Variants in SENP7 observed in about 807,000 individuals in gnomAD.
SENP7 encodes the protein SUMO specific peptidase 7, also known as sentrin-specific protease 7.
A neutral mutation model predicts 141.2 loss-of-function variants in SENP7; 64 were observed. The ratio of observed to expected loss-of-function variants is 0.45; its 90% CI spans 0.37 to 0.56. The LOEUF is 0.56. SENP7 is among the 20% of genes least tolerant of loss of function. SENP7 has a pLI of 0.00. For synonymous variants in SENP7, 382 were observed against 426.4 expected (o/e 0.90, Z 1.28); for missense variants, 1,025 against 1,212.2 (o/e 0.85, Z 2.29).
In SENP7 at chr3:101,501,122, AC is replaced by A. The variant is rs746637068; in HGVS notation, c.41-4del. ...CCTTTTTCCTTCTGTGATGATTTCTACAAAAACCAAAGACGTGGTAAAAATT... is the reference window on the plus strand; with the variant it reads ...CCTTTTTCCTTCTGTGATGATTTCTAAAAAACCAAAGACGTGGTAAAAATT... On this transcript the variant is annotated splice_region_variant and splice_polypyrimidine_tract_variant and intron_variant, in intron 1 of 23. Coordinates refer to ENST00000394095, the MANE Select transcript of SENP7 (RefSeq NM_020654.5). The A allele has an allele frequency of 1.9e-6, 3 of 1,601,674 alleles. No homozygotes were observed. The East Asian group carries it at 6.7e-5, about 36-fold the overall frequency.
intron 3 of SENP7, among the ~76,000 whole-genome samples, chr3:101,476,371 T>G (rs1325818946): frequency 6.6e-6 from 1 of 152,110 alleles, no homozygotes; most frequent in Non-Finnish European, 1.5e-5. Flanking sequence ...GTTCCTGTGT[T>G]AGTTTGCTGA....
At position 101,340,181 on chromosome 3, in the gene SENP7, C is replaced by T. The variant is rs760079462; in HGVS notation, c.2271G>A (p.Lys757=). Residue 757 remains lysine (K), a synonymous_variant, in exon 16 of 24, where the codon AAG becomes AAA. Transcript: ENST00000394095. The part of the protein sequence containing the change: ...KLIVYPPPPT[K]GGLGVTNEDL... The stretch of plus-strand genomic sequence containing the variant: ...CTTCATTAGTTACTCCTAATCCCCC[C>T]TTAGTAGGTGGTGGAGGATATACAA... The T allele has an allele frequency of 3.1e-6, 5 of 1,600,294 alleles. No individual in the cohort carries two copies. The highest frequency in any genetic ancestry group is 2.3e-5 in the South Asian group (2 of 87,988).
At chr3:101,367,086 T>C (rs1421765561) in intron 8 of SENP7, among the ~76,000 whole-genome samples, 1 of 152,170 alleles carries the variant, frequency 6.6e-6, no homozygotes. Flanking sequence ...CATATTTTTA[T>C]TTTGCAAAAG....
chr3:101,355,091 G>A (rs2059704531), intron 11 of SENP7, among the ~76,000 whole-genome samples: 1 of 151,940 alleles, frequency 6.6e-6, no homozygotes, highest in South Asian at 2.1e-4. Flanking sequence ...GTAAATTTAA[G>A]TTCCTTATAG....
chr3:101,408,871 CA>C, intron 5 of SENP7, among the ~76,000 whole-genome samples: 1 of 152,264 alleles, frequency 6.6e-6, no homozygotes, highest in Non-Finnish European at 1.5e-5. Context: ...AGAACTGGAA[CA>C]AGACAAGGAT....
At chr3:101,452,973 G>A (rs376482327) in intron 4 of SENP7, among the ~76,000 whole-genome samples, 13 of 152,108 alleles carry the variant, frequency 8.5e-5, no homozygotes, top group African/African-American at 2.7e-4. Context: ...TCATCTGACA[G>A]AGGGCTAATA....
chr3:101,443,155 G>A (rs2062747568), intron 4 of SENP7, among the ~76,000 whole-genome samples: 1 of 152,132 alleles, frequency 6.6e-6, no homozygotes, highest in Admixed American at 6.5e-5. Context: ...TCCAGTTTCA[G>A]CTTTCTACAT....
intron 3 of SENP7, among the ~76,000 whole-genome samples, chr3:101,467,299 G>A (rs1469498100): frequency 5.9e-5 from 9 of 152,214 alleles, no homozygotes; most frequent in Non-Finnish European, 1.3e-4. Context: ...AGATGTAAAC[G>A]TCCCTGTCTG....
At chr3:101,373,269 G>A (rs919425521) in intron 6 of SENP7, among the ~76,000 whole-genome samples, 18 of 152,052 alleles carry the variant, frequency 1.2e-4, no homozygotes, top group African/African-American at 4.3e-4. Context: ...CTTGCAAAGA[G>A]GTTCTGACTG....
chr3:101,465,077 A>C (rs1309183551), intron 3 of SENP7, among the ~76,000 whole-genome samples: 1 of 152,134 alleles, frequency 6.6e-6, no homozygotes, highest in Non-Finnish European at 1.5e-5. Context: ...ACCAATGTAC[A>C]TCATCAGGGT....
intron 4 of SENP7, among the ~76,000 whole-genome samples, chr3:101,436,665 C>T (rs1411541716): frequency 2.0e-5 from 3 of 151,986 alleles, no homozygotes; most frequent in African/African-American, 7.2e-5. Context: ...GGCAAACAGG[C>T]ATATGAAAAG....
intron 1 of SENP7, among the ~76,000 whole-genome samples, chr3:101,511,962 G>T (rs1357348340): frequency 6.6e-6 from 1 of 152,176 alleles, no homozygotes; most frequent in Non-Finnish European, 1.5e-5. Flanking sequence ...TGGGACTACA[G>T]GCGCCCGCCA....
chr3:101,476,330 A>T (rs961604540), intron 3 of SENP7, among the ~76,000 whole-genome samples: 6 of 149,156 alleles, frequency 4.0e-5, no homozygotes, highest in Admixed American at 1.4e-4. Context: ...ACTCCCACTT[A>T]TGAGTGAGAA....
intron 3 of SENP7, among the ~76,000 whole-genome samples, chr3:101,468,878 G>T (rs1020423937): frequency 6.6e-6 from 1 of 152,092 alleles, no homozygotes; most frequent in Non-Finnish European, 1.5e-5. Flanking sequence ...AAATGTAAAT[G>T]GGCTAAATAC....
chr3:101,423,977 T>C (rs74768235), intron 4 of SENP7, among the ~76,000 whole-genome samples: 29,832 of 152,160 alleles, frequency 0.2, 3,225 homozygotes, highest in Non-Finnish European at 0.24. Flanking sequence ...CGGGAGAGTC[T>C]GCAGCAGAGC....
intron 3 of SENP7, among the ~76,000 whole-genome samples, chr3:101,485,281 C>T (rs1367843231): frequency 2.0e-5 from 3 of 152,064 alleles, no homozygotes; most frequent in African/African-American, 7.2e-5. Flanking sequence ...GAAAGGGTCA[C>T]CTCCTGGCAG....
chr3:101,367,620 T>C (rs551732833), intron 8 of SENP7, among the ~76,000 whole-genome samples: 2 of 152,172 alleles, frequency 1.3e-5, no homozygotes, highest in South Asian at 4.1e-4. Context: ...TAATCATTCA[T>C]AGTATTTGAA....
intron 3 of SENP7, among the ~76,000 whole-genome samples, chr3:101,469,281 T>C (rs1054363502): frequency 6.6e-6 from 1 of 151,976 alleles, no homozygotes; most frequent in African/African-American, 2.4e-5. Flanking sequence ...CAAAGAGACT[T>C]ACACCCCCAC....
At chr3:101,441,164 G>C (rs1346036082) in intron 4 of SENP7, among the ~76,000 whole-genome samples, 2 of 152,144 alleles carry the variant, frequency 1.3e-5, no homozygotes, top group African/African-American at 2.4e-5. Flanking sequence ...GTGTTTACAT[G>C]TACAGTACAG....
Sources: gnomAD v4.1 joint callset for allele counts (sites outside exome capture counted in the v4.1 genomes callset) on GRCh38, gnomAD v4.1.1 for gene constraint, MANE v1.5 for transcripts, NCBI Gene and HGNC (gene_info 2026-07-23, HGNC 2026-07-21) for gene names.